Variants in PLCL1 observed in about 807,000 individuals in gnomAD.
PLCL1 encodes the protein inactive phospholipase C-like protein 1.
A neutral mutation model predicts 84.4 loss-of-function variants in PLCL1; 41 were observed. The observed-to-expected ratio is 0.49, with a 90% CI of 0.38 to 0.63. The LOEUF is 0.63. Ranked by LOEUF, PLCL1 falls within the 30% of genes least tolerant of loss-of-function variation. The pLI is 0.00. For synonymous variants in PLCL1, 490 were observed against 488.3 expected, an observed-to-expected ratio of 1.00 and a Z score of -0.05; for missense variants, 1,206 against 1,367.8, an observed-to-expected ratio of 0.88 and a Z score of 1.87.
intron 1 of PLCL1, among the ~76,000 whole-genome samples, chr2:197,923,243 C>A (rs1420021070): frequency 4.1e-5 from 6 of 146,778 alleles, no homozygotes; most frequent in Admixed American, 6.7e-5. Flanking sequence ...GGGCGGCTGG[C>A]CGGGCGGGGG....
intron 1 of PLCL1, among the ~76,000 whole-genome samples, chr2:197,996,598 A>C (rs1690470546): frequency 6.6e-6 from 1 of 152,136 alleles, no homozygotes; most frequent in African/African-American, 2.4e-5. Context: ...TGCTCTAAAA[A>C]TAAAGTCTAT....
intron 1 of PLCL1, among the ~76,000 whole-genome samples, chr2:198,071,328 A>G (rs181037274): frequency 1.3e-4 from 20 of 152,036 alleles, no homozygotes; most frequent in African/African-American, 4.8e-4. Context: ...TTGCTCATTT[A>G]CTCAAGTATT....
chr2:198,006,130 A>G (rs1268730435), intron 1 of PLCL1, among the ~76,000 whole-genome samples: 1 of 152,194 alleles, frequency 6.6e-6, no homozygotes, highest in Non-Finnish European at 1.5e-5. Context: ...AAACAACATA[A>G]AAGGACTGGA....
intron 1 of PLCL1, among the ~76,000 whole-genome samples, chr2:198,059,629 A>C (rs978484983): frequency 1.3e-5 from 2 of 152,112 alleles, no homozygotes; most frequent in African/African-American, 4.8e-5. Context: ...CTGAGAGAGG[A>C]TGGGAGAGTG....
rs750662948 is a variant in PLCL1 at position 198,126,588 on chromosome 2, T to G, written c.3106-20192T>G. On this transcript the variant is annotated intron_variant, in intron 5 of 5. Coordinates refer to ENST00000428675, the MANE Select transcript of PLCL1 (RefSeq NM_006226.4). Reference sequence around the variant, plus strand: ...TCCAAATCTAGGTGCTCACATTCATTTCACACCATTAGCAAGTTAAAAATG... The same window carrying G: ...TCCAAATCTAGGTGCTCACATTCATGTCACACCATTAGCAAGTTAAAAATG... Among the ~76,000 whole-genome samples, 3 of 152,046 alleles carry G rather than the reference T, an allele frequency of 2.0e-5. No individual in the cohort carries two copies. In the East Asian group the frequency reaches 5.8e-4, roughly 29 times the overall value.
intron 1 of PLCL1, among the ~76,000 whole-genome samples, chr2:198,078,835 AT>A (rs1438649751): frequency 6.6e-6 from 1 of 152,116 alleles, no homozygotes; most frequent in Non-Finnish European, 1.5e-5. Context: ...TCACTTTTAA[AT>A]TTTTGTACAA....
At chr2:197,967,579 C>G (rs1689770394) in intron 1 of PLCL1, among the ~76,000 whole-genome samples, 1 of 152,082 alleles carries the variant, frequency 6.6e-6, no homozygotes, top group Non-Finnish European at 1.5e-5. Context: ...TCTTTATTTA[C>G]TTTGGGGGTT....
chr2:197,938,241 GTGTA>G (rs1689086892), intron 1 of PLCL1, among the ~76,000 whole-genome samples: 1 of 152,096 alleles, frequency 6.6e-6, no homozygotes, highest in Non-Finnish European at 1.5e-5. Context: ...TACTTCCAAA[GTGTA>G]TGTTTACCAA....
intron 5 of PLCL1, among the ~76,000 whole-genome samples, chr2:198,136,761 A>G (rs1228395630): frequency 6.6e-6 from 1 of 152,114 alleles, no homozygotes; most frequent in Non-Finnish European, 1.5e-5. Flanking sequence ...CATGAATATG[A>G]TTCATTAATA....
intron 1 of PLCL1, among the ~76,000 whole-genome samples, chr2:197,902,564 C>T (rs1359999418): frequency 2.0e-5 from 3 of 152,176 alleles, no homozygotes; most frequent in Non-Finnish European, 2.9e-5. Flanking sequence ...CTGGAATAGG[C>T]AGTTCCCTAA....
At chr2:197,996,968 C>T (rs112928229) in intron 1 of PLCL1, among the ~76,000 whole-genome samples, 4 of 152,122 alleles carry the variant, frequency 2.6e-5, no homozygotes, top group African/African-American at 7.2e-5. Context: ...TTTGCTTGGA[C>T]AAGTGTTGAG....
chr2:197,922,923 C>G (rs1242766959), intron 1 of PLCL1, among the ~76,000 whole-genome samples: 1 of 125,108 alleles, frequency 8.0e-6, no homozygotes, highest in African/African-American at 2.9e-5. Flanking sequence ...CCACCTCCCT[C>G]CCAGATGGGG....
chr2:198,090,418 A>G (rs1233683243), intron 3 of PLCL1, among the ~76,000 whole-genome samples: 1 of 151,776 alleles, frequency 6.6e-6, no homozygotes. Flanking sequence ...CAAACTCTTT[A>G]TAATGAACCC....
At chr2:197,863,506 T>C (rs1209232295) in intron 1 of PLCL1, among the ~76,000 whole-genome samples, 1 of 152,186 alleles carries the variant, frequency 6.6e-6, no homozygotes, top group Non-Finnish European at 1.5e-5. Context: ...ATGTATTCCT[T>C]TAAAAAATCA....
intron 1 of PLCL1, among the ~76,000 whole-genome samples, chr2:197,990,131 G>C (rs1690310967): frequency 6.6e-6 from 1 of 152,174 alleles, no homozygotes; most frequent in African/African-American, 2.4e-5. Context: ...TTGAGCAGCA[G>C]ACCACTTGAG....
chr2:197,825,888 G>T (rs1239685852), intron 1 of PLCL1, among the ~76,000 whole-genome samples: 1 of 152,224 alleles, frequency 6.6e-6, no homozygotes, highest in African/African-American at 2.4e-5. Flanking sequence ...CAATATATCT[G>T]TTATATATTT....
chr2:198,120,971 C>T (rs1331737082), intron 5 of PLCL1, among the ~76,000 whole-genome samples: 1 of 151,998 alleles, frequency 6.6e-6, no homozygotes, highest in East Asian at 1.9e-4. Flanking sequence ...CATATCTTCG[C>T]CAGCATTTTT....
intron 1 of PLCL1, among the ~76,000 whole-genome samples, chr2:198,069,881 A>T (rs1468408547): frequency 6.6e-6 from 1 of 152,158 alleles, no homozygotes; most frequent in Non-Finnish European, 1.5e-5. Context: ...GTGGAGTGAG[A>T]TTAGTTGAGT....
At chr2:197,821,748 G>C (rs1690821311) in intron 1 of PLCL1, among the ~76,000 whole-genome samples, 1 of 152,154 alleles carries the variant, frequency 6.6e-6, no homozygotes, top group African/African-American at 2.4e-5. Flanking sequence ...AAGAAGGCTG[G>C]AAAATGTAGT....
Sources: gnomAD v4.1 joint callset for allele counts (sites outside exome capture counted in the v4.1 genomes callset) on GRCh38, gnomAD v4.1.1 for gene constraint, MANE v1.5 for transcripts, NCBI Gene and HGNC (gene_info 2026-07-23, HGNC 2026-07-21) for gene names.